Variants in SPNS1 observed in about 807,000 individuals in gnomAD.
SPNS1 encodes SPNS lysolipid transporter 1, lysophospholipid.
In SPNS1, 22 loss-of-function variants were observed where a neutral mutation model predicts 50.3. The observed-to-expected ratio is 0.44, with a 90% CI of 0.31 to 0.62. SPNS1 has a LOEUF of 0.62. Among genes scored for constraint, SPNS1 ranks in the 20% least tolerant of loss-of-function variants. SPNS1 has a pLI of 0.07. For synonymous variants in SPNS1, 295 were observed against 317.4 expected (o/e 0.93, Z 0.75); for missense variants, 576 against 728.6 (o/e 0.79, Z 2.41).
In SPNS1 at chr16:28,981,640, A is replaced by C; in HGVS notation, c.809+25A>C. 6.2e-7 allele frequency: 1 copy of C among 1,610,216 alleles called. No individual in the cohort carries two copies. On this transcript the variant is annotated intron_variant, in intron 6 of 11. Coordinates refer to ENST00000311008, the MANE Select transcript of SPNS1 (RefSeq NM_032038.3). This position sits in a 1 kb window ranked among gnomAD's most constrained non-coding sequence, Gnocchi z 4.2. ...AGTGAGTTTATTCCCACCCTAGACC[A>C]CCATCTGAGGCCCCCTGGCGTCTGG...
In SPNS1 at chr16:28,984,366, G is replaced by A. The variant is rs745543579; in HGVS notation, c.*67G>A. On this transcript the variant is annotated 3_prime_UTR_variant, in exon 12 of 12. Transcript: ENST00000311008. ...CCTGGGCCCACCCCACGAAGGGCCT[G>A]GGCCTAACCCCTTGGCCTGGCCCAG... 10 of 1,500,782 alleles carry A rather than the reference G, an allele frequency of 6.7e-6. No homozygotes were observed. The South Asian group carries it at 1.0e-4, about 16-fold the overall frequency. The allele number at this position is 1,500,782 out of a possible 1,614,324, so 93.0% of individuals were successfully genotyped here.
rs915080936 is a variant in SPNS1 at position 28,983,138 on chromosome 16, C to T, written c.1222-54C>T. ...CCTTGGTGGTCTCCTGGCCCCCTGC[C>T]TCCTGCCCCCTGGAGCCCAGAGCAT... On this transcript the variant is annotated intron_variant, in intron 9 of 11. Transcript: ENST00000311008. This position sits in a 1 kb window ranked among gnomAD's most constrained non-coding sequence, Gnocchi z 5.4. 6.9e-7 allele frequency: 1 copy of T among 1,449,004 alleles called. No homozygotes were observed. The highest frequency in any genetic ancestry group is 2.3e-5 in the East Asian group (1 of 43,850). 89.8% of individuals were successfully genotyped at this position (1,449,004 alleles called of 1,614,324 possible). A position where few individuals can be genotyped will look rare whatever the true frequency, so the allele number is the denominator to read the frequency against.
chr16:28,975,937 G>A (rs142039207), intron 2 of SPNS1, among the ~76,000 whole-genome samples: 256 of 152,240 alleles, frequency 1.7e-3, no homozygotes, highest in African/African-American at 5.8e-3. Context: ...GTCTGTGAAG[G>A]GCCTAGTGCA....
In SPNS1 at chr16:28,981,976, G is replaced by A. The variant is rs201490253; in HGVS notation, c.885G>A (p.Pro295=). 7.4e-6 allele frequency: 12 copies of A among 1,614,058 alleles called. No individual in the cohort carries two copies. In the African/African-American group the frequency reaches 9.3e-5, roughly 13 times the overall value. Residue 295 remains proline, a synonymous_variant, in exon 7 of 12, where the codon CCG becomes CCA. Transcript: ENST00000311008. This position sits in a 1 kb window ranked among gnomAD's most constrained non-coding sequence, Gnocchi z 4.2. ...FVTGSLALWA[P]AFLLRSRVVL... The stretch of plus-strand genomic sequence containing the variant: ...CGGGCTCCCTGGCTCTGTGGGCTCC[G>A]GCATTCCTGCTGCGTTCCCGCGTGG...
chr16:28,979,169 C>G lies in SPNS1; in HGVS notation c.459C>G (p.Leu153=). The G allele has an allele frequency of 6.2e-7, 1 of 1,613,962 alleles. No individual in the cohort carries two copies. The highest frequency in any genetic ancestry group is 8.5e-7 in the Non-Finnish European group (1 of 1,179,988). The change falls in exon 4 of 12, where the codon CTC becomes CTG. Residue 153 remains leucine, a synonymous_variant. Transcript: ENST00000311008. ...SFIPGEHFWL[L]LLTRGLVGVG... The stretch of plus-strand genomic sequence containing the variant: ...TCTCTCCCCAGCATTTCTGGCTGCT[C>G]CTCCTGACCCGGGGCCTGGTGGGGG...
chr16:28,975,936 G>A (rs182547512), intron 2 of SPNS1, among the ~76,000 whole-genome samples: 1 of 152,184 alleles, frequency 6.6e-6, no homozygotes, highest in Non-Finnish European at 1.5e-5. Context: ...TGTCTGTGAA[G>A]GGCCTAGTGC....
chr16:28,983,262 A>G lies in SPNS1; in HGVS notation c.1292A>G (p.Asp431Gly). ...ATCGTGCTGTCCCACCTGCTGGGTG[A>G]TGCTGGGAGCCCCTACCTCATTGGC... ...FQIVLSHLLG[D>G]AGSPYLIGLI... The change falls in exon 10 of 12, where the codon GAT (aspartate) becomes GGT (glycine). Residue 431 changes from aspartate to glycine, a missense_variant. This residue lies in a region of SPNS1 where 428 missense variants were observed against 520.1 expected (regional missense o/e 0.82). Coordinates refer to ENST00000311008, the MANE Select transcript of SPNS1 (RefSeq NM_032038.3). The surrounding 1 kb of genome is among the most constrained non-coding windows in gnomAD (Gnocchi z 5.4). The G allele has an allele frequency of 6.2e-7, 1 of 1,614,064 alleles. No homozygotes were observed. The highest frequency in any genetic ancestry group is 1.1e-5 in the South Asian group (1 of 91,084).
At chr16:28,982,712 CAT>C (rs1465763176) in intron 8 of SPNS1, 143 bp from the exon 9 acceptor site, 14 of 1,213,836 alleles carry the variant, frequency 1.2e-5, no homozygotes, top group African/African-American at 6.0e-5. Context: ...TCAGTTTCAT[CAT>C]GTGTAAAATG....
intron 7 of SPNS1, 82 bp downstream of exon 7, chr16:28,982,138 G>C: frequency 1.3e-6 from 2 of 1,526,544 alleles, no homozygotes; most frequent in Non-Finnish European, 1.8e-6. Flanking sequence ...CCCAGGCAGG[G>C]AGTTTGACTC....
Position 28,982,244 on chromosome 16 carries a change from C to T in SPNS1, c.966-112C>T, listed in dbSNP as rs148824728. 633 of 1,383,328 alleles carry T rather than the reference C, an allele frequency of 4.6e-4. 4 individuals carry two copies. In the African/African-American group the frequency reaches 8.0e-3, roughly 17 times the overall value. 85.7% of individuals were successfully genotyped at this position (1,383,328 alleles called of 1,614,324 possible). ...GTCTGCCACTCAGGGCTGTGCCAAC[C>T]ATGGGGTGCTGTGTCTGTAGGGACC... On this transcript the variant is annotated intron_variant, in intron 7 of 11. Transcript: ENST00000311008.
intron 5 of SPNS1, 71 bp downstream of exon 5, chr16:28,979,542 C>G (rs1487459266): frequency 7.2e-6 from 11 of 1,521,354 alleles, no homozygotes; most frequent in East Asian, 2.3e-5. Flanking sequence ...CCTTTGGACC[C>G]CTTCCCACCG....
rs931300685 is a variant in SPNS1 at position 28,981,432 on chromosome 16, C to T, written c.664-38C>T. 1.9e-6 allele frequency: 3 copies of T among 1,612,886 alleles called. No homozygotes were observed. The South Asian group carries it at 3.3e-5, about 18-fold the overall frequency. ...CCTCCAGCCCAGGGCTTGAGTGTGT[C>T]TCTCCCTGTGCCTATCCTGAAGCCC... On this transcript the variant is annotated intron_variant, in intron 5 of 11. Transcript: ENST00000311008. This position sits in a 1 kb window ranked among gnomAD's most constrained non-coding sequence, Gnocchi z 4.2.
At chr16:28,978,367 G>A (rs576114709) in intron 3 of SPNS1, 8 of 244,218 alleles carry the variant, frequency 3.3e-5, no homozygotes, top group South Asian at 3.2e-4. Flanking sequence ...CCCCTAGAGC[G>A]TGGTGCCAGT....
Position 28,983,967 on chromosome 16 carries a change from GA to G in SPNS1, c.1492+11del. 6.4e-7 allele frequency: 1 copy of G among 1,555,832 alleles called. No homozygotes were observed. Among genetic ancestry groups the G allele is most frequent in the Non-Finnish European group, 8.7e-7 (1 of 1,155,910 alleles). ...CAGCTGCACGTGCAGGGTCAGTTAG[GA>G]GCTGTGCCCGGCCCAGCTTCTTGAT... On this transcript the variant is annotated intron_variant, in intron 11 of 11. Coordinates refer to ENST00000311008, the MANE Select transcript of SPNS1 (RefSeq NM_032038.3). This position sits in a 1 kb window ranked among gnomAD's most constrained non-coding sequence, Gnocchi z 5.4.
At chr16:28,984,181 C>G in intron 11 of SPNS1, 24 bp from the exon 12 acceptor site, 3 of 1,543,530 alleles carry the variant, frequency 1.9e-6, no homozygotes, top group Non-Finnish European at 2.6e-6. Context: ...CCAGCTCACC[C>G]TGGCTCTGAC....
chr16:28,981,849 C>T lies in SPNS1; in HGVS notation c.810-52C>T. ...AGGAAGGGAGAAGAGAGGTCCCCTC[C>T]TGCCTCGACACCTCCGTGGGGTCTT... On this transcript the variant is annotated intron_variant, in intron 6 of 11. Transcript: ENST00000311008. The surrounding 1 kb of genome is among the most constrained non-coding windows in gnomAD (Gnocchi z 4.2). 1 of 1,604,474 alleles carries T rather than the reference C, an allele frequency of 6.2e-7. No homozygotes were observed. The highest frequency in any genetic ancestry group is 8.5e-7 in the Non-Finnish European group (1 of 1,173,110).
intron 3 of SPNS1, 89 bp downstream of exon 3, chr16:28,978,133 C>A (rs1965406977): frequency 6.5e-7 from 1 of 1,527,488 alleles, no homozygotes; most frequent in Non-Finnish European, 8.9e-7. Flanking sequence ...CAGACTGGGC[C>A]TCAGGGACTC....
At chr16:28,982,261 G>C in intron 7 of SPNS1, 95 bp from the exon 8 acceptor site, 1 of 1,425,968 alleles carries the variant, frequency 7.0e-7, no homozygotes, top group Non-Finnish European at 9.6e-7. Flanking sequence ...TGCTGTGTCT[G>C]TAGGGACCTT....
At chr16:28,984,549 G>C (rs1596764330), downstream of SPNS1, 2 of 622,240 alleles carry the variant, frequency 3.2e-6, no homozygotes, top group Non-Finnish European at 5.8e-6. Flanking sequence ...CCAGACCCCA[G>C]GTGCCTGCTC....
Sources: allele counts gnomAD v4.1 joint callset (sites outside exome capture counted in the v4.1 genomes callset), GRCh38; gene constraint gnomAD v4.1.1; regional missense constraint gnomAD v4.1.1; non-coding constraint Gnocchi (gnomAD v3.1); transcripts MANE v1.5; gene names NCBI Gene and HGNC (gene_info 2026-07-23, HGNC 2026-07-21).